MGMT: variants seen among roughly 807,000 people sequenced by gnomAD.
The protein encoded by MGMT is O-6-methylguanine-DNA methyltransferase.
In MGMT, 14 loss-of-function variants were observed where a neutral mutation model predicts 15.9. The observed-to-expected ratio is 0.88, with a 90% CI of 0.58 to 1.37. The LOEUF (loss-of-function observed/expected upper bound fraction) is 1.37, where lower values mean the gene tolerates loss of function less well. Ranked by LOEUF, MGMT falls within the 40% of genes most tolerant of loss-of-function variation. The probability of loss-of-function intolerance (pLI) is 0.00; values close to 1 mark genes in which losing one functional copy is unlikely to be tolerated. For synonymous variants in MGMT, 130 were observed against 118.2 expected, an observed-to-expected ratio of 1.10 and a Z score of -0.65; for missense variants, 282 against 268.1, an observed-to-expected ratio of 1.05 and a Z score of -0.36.
intron 2 of MGMT, among the ~76,000 whole-genome samples, chr10:129,656,892 A>G (rs182755103): frequency 6.6e-6 from 1 of 152,142 alleles, no homozygotes; most frequent in East Asian, 1.9e-4. Context: ...TTCTCCTTTC[A>G]TGCTGGGAGG....
At chr10:129,541,839 G>A (rs952277916) in intron 2 of MGMT, among the ~76,000 whole-genome samples, 8 of 152,144 alleles carry the variant, frequency 5.3e-5, no homozygotes, top group Non-Finnish European at 8.8e-5. Flanking sequence ...TTCATGGTAG[G>A]GATCCATTTA....
intron 2 of MGMT, among the ~76,000 whole-genome samples, chr10:129,691,344 CAAG>C (rs1847967369): frequency 6.6e-6 from 1 of 152,198 alleles, no homozygotes; most frequent in South Asian, 2.1e-4. Context: ...TGAGTGGAAG[CAAG>C]AAGAGGAGCT....
At chr10:129,688,057 A>G (rs1356099483) in intron 2 of MGMT, among the ~76,000 whole-genome samples, 4 of 152,328 alleles carry the variant, frequency 2.6e-5, no homozygotes, top group Non-Finnish European at 4.4e-5. Flanking sequence ...ATAGTATTCC[A>G]TGGTGTATAT....
At chr10:129,565,854 C>A (rs1846348557) in intron 2 of MGMT, among the ~76,000 whole-genome samples, 1 of 152,144 alleles carries the variant, frequency 6.6e-6, no homozygotes, top group Admixed American at 6.5e-5. Context: ...ATGCCACCAC[C>A]CAGAAGACCC....
chr10:129,650,141 T>G (rs369416175), intron 2 of MGMT, among the ~76,000 whole-genome samples: 9 of 152,306 alleles, frequency 5.9e-5, no homozygotes, highest in Middle Eastern at 6.8e-3. Flanking sequence ...CTTCTGAGTG[T>G]TTGGGGGCTT....
At chr10:129,490,047 T>C (rs1845452902) in intron 1 of MGMT, among the ~76,000 whole-genome samples, 1 of 152,210 alleles carries the variant, frequency 6.6e-6, no homozygotes, top group South Asian at 2.1e-4. Flanking sequence ...ATGCTTGCTA[T>C]AGACTTTTGG....
chr10:129,746,241 A>G (rs1353366100), intron 3 of MGMT, among the ~76,000 whole-genome samples: 8 of 145,608 alleles, frequency 5.5e-5, no homozygotes, highest in African/African-American at 2.1e-4. Context: ...TCTGTCTCAA[A>G]AAAAAAAAAA....
intron 2 of MGMT, among the ~76,000 whole-genome samples, chr10:129,693,458 G>A (rs1457304121): frequency 2.6e-5 from 4 of 152,146 alleles, no homozygotes; most frequent in African/African-American, 7.2e-5. Flanking sequence ...AGGGTTCAGC[G>A]TTGGCCGGAA....
chr10:129,509,401 T>C (rs558472097), intron 1 of MGMT, among the ~76,000 whole-genome samples: 1 of 152,184 alleles, frequency 6.6e-6, no homozygotes, highest in African/African-American at 2.4e-5. Context: ...TGTGCATTAG[T>C]GTGGTTGGGC....
intron 2 of MGMT, chr10:129,700,283 C>T (rs1389464989): frequency 1.3e-5 from 2 of 152,194 alleles, no homozygotes; most frequent in Non-Finnish European, 2.9e-5. Flanking sequence ...CTATTACTAA[C>T]ATCAGCACTT....
intron 1 of MGMT, among the ~76,000 whole-genome samples, chr10:129,498,207 A>G (rs537778625): frequency 7.5e-4 from 114 of 152,332 alleles, no homozygotes; most frequent in African/African-American, 2.7e-3. Context: ...CTGGGGACAT[A>G]TGTCTGTCAG....
intron 2 of MGMT, among the ~76,000 whole-genome samples, chr10:129,588,214 C>T (rs959449465): frequency 6.6e-6 from 1 of 152,144 alleles, no homozygotes; most frequent in Non-Finnish European, 1.5e-5. Flanking sequence ...TTGAAAGAGA[C>T]TCGCAGCCTC....
chr10:129,516,693 C>T (rs1264862022), intron 1 of MGMT, among the ~76,000 whole-genome samples: 2 of 151,128 alleles, frequency 1.3e-5, no homozygotes, highest in Non-Finnish European at 1.5e-5. Flanking sequence ...AAACAGCTTT[C>T]CCCCACCCCA....
rs1703240867 is a variant in MGMT, at chr10:129,770,066, T to G, written c.*3069T>G. On this transcript the variant is annotated 3_prime_UTR_variant, in exon 5 of 5. Transcript: ENST00000651593. ...ACACCCCTCGGGTGGCTGGATGATGTGCTAGCAACTGAAACCATCTCTGCG... is the reference window on the plus strand; with the variant it reads ...ACACCCCTCGGGTGGCTGGATGATGGGCTAGCAACTGAAACCATCTCTGCG... Among the ~76,000 whole-genome samples, 1 of 152,162 alleles carries G rather than the reference T, an allele frequency of 6.6e-6. No homozygotes were observed. The highest frequency in any genetic ancestry group is 6.5e-5 in the Admixed American group (1 of 15,286).
At chr10:129,635,182 C>T (rs559617771) in intron 2 of MGMT, among the ~76,000 whole-genome samples, 10 of 152,336 alleles carry the variant, frequency 6.6e-5, no homozygotes, top group African/African-American at 2.4e-4. Context: ...TCACAGATAG[C>T]TCTTTTCCTG....
chr10:129,681,916 A>C (rs1326592352), intron 2 of MGMT, among the ~76,000 whole-genome samples: 1 of 152,218 alleles, frequency 6.6e-6, no homozygotes, highest in African/African-American at 2.4e-5. Flanking sequence ...TTCCAGCTAG[A>C]AATTGGACAA....
chr10:129,734,593 C>T (rs1337615601), intron 3 of MGMT, among the ~76,000 whole-genome samples: 1 of 152,016 alleles, frequency 6.6e-6, no homozygotes, highest in African/African-American at 2.4e-5. Flanking sequence ...ACTTCCAACA[C>T]TATGTTGAAT....
intron 2 of MGMT, among the ~76,000 whole-genome samples, chr10:129,549,322 G>A (rs1224221657): frequency 6.6e-6 from 1 of 152,176 alleles, no homozygotes; most frequent in African/African-American, 2.4e-5. Context: ...GAGCCCTCCA[G>A]ATTTTTATTG....
intron 1 of MGMT, among the ~76,000 whole-genome samples, chr10:129,473,795 G>T (rs543820751): frequency 1.3e-5 from 2 of 152,362 alleles, no homozygotes; most frequent in East Asian, 3.9e-4. Flanking sequence ...GAGGCTGGGT[G>T]CAGTGAGGAC....
Sources: allele counts gnomAD v4.1 joint callset (sites outside exome capture counted in the v4.1 genomes callset), GRCh38; gene constraint gnomAD v4.1.1; transcripts MANE v1.5; gene names NCBI Gene and HGNC (gene_info 2026-07-23, HGNC 2026-07-21).